Variants in TEK observed in about 807,000 individuals in gnomAD.
TEK encodes the protein TEK receptor tyrosine kinase, also known as angiopoietin-1 receptor.
A neutral mutation model predicts 131.8 loss-of-function variants in TEK; 43 were observed. The observed-to-expected ratio is 0.33, with a 90% CI of 0.26 to 0.42. The LOEUF (loss-of-function observed/expected upper bound fraction) is 0.42. Ranked by LOEUF, TEK falls within the 10% of genes least tolerant of loss-of-function variation. TEK has a pLI of 1.00. For synonymous variants in TEK, 580 were observed against 491.6 expected (o/e 1.18, Z -2.38); for missense variants, 1,162 against 1,384.4 (o/e 0.84, Z 2.55).
At position 27,124,837 on chromosome 9, in the gene TEK, C is replaced by T. The variant is rs532885843; in HGVS notation, c.52+15195C>T. On this transcript the variant is annotated intron_variant, in intron 1 of 22. Coordinates refer to ENST00000380036, the MANE Select transcript of TEK (RefSeq NM_000459.5). ...TTAGTGACAGTACTAATATTTAATC[C>T]ATCTAACCATCAACACCTGTGCATA... Among the ~76,000 whole-genome samples, 119 of 152,220 alleles carry T rather than the reference C, an allele frequency of 7.8e-4. 1 individual carries two copies. Among genetic ancestry groups the T allele is most frequent in the African/African-American group, 2.8e-3 (117 of 41,532 alleles).
At chr9:27,186,785 G>A (rs1824615314) in intron 9 of TEK, among the ~76,000 whole-genome samples, 2 of 152,110 alleles carry the variant, frequency 1.3e-5, no homozygotes, top group South Asian at 2.1e-4. Flanking sequence ...AGATCTCAGA[G>A]GTAACTTCTA....
chr9:27,169,969 G>C (rs555168979), intron 4 of TEK, among the ~76,000 whole-genome samples: 40 of 152,206 alleles, frequency 2.6e-4, no homozygotes, highest in African/African-American at 8.9e-4. Context: ...CCTGAGACTG[G>C]GTAATTTATT....
intron 21 of TEK, among the ~76,000 whole-genome samples, chr9:27,221,033 A>G (rs1826051279): frequency 6.6e-6 from 1 of 152,190 alleles, no homozygotes; most frequent in South Asian, 2.1e-4. Context: ...TTCTCGCTGC[A>G]AGCACAGCAG....
At chr9:27,173,113 T>C (rs1453308770) in intron 5 of TEK, 109 bp from the exon 6 acceptor site, 2 of 1,442,250 alleles carry the variant, frequency 1.4e-6, no homozygotes, top group Admixed American at 3.7e-5. Context: ...ACAGCTGAGA[T>C]TTGACTGTTT....
chr9:27,161,919 T>A (rs958192820), intron 2 of TEK, among the ~76,000 whole-genome samples: 1 of 152,264 alleles, frequency 6.6e-6, no homozygotes, highest in Non-Finnish European at 1.5e-5. Context: ...CAACTGATTA[T>A]TGTAATTTCT....
chr9:27,113,782 A>T (rs937776372), intron 1 of TEK, among the ~76,000 whole-genome samples: 1 of 152,132 alleles, frequency 6.6e-6, no homozygotes, highest in African/African-American at 2.4e-5. Flanking sequence ...GTGCTGGCCA[A>T]TTCCAACTGA....
chr9:27,195,318 AC>A, intron 11 of TEK, among the ~76,000 whole-genome samples: 1 of 152,144 alleles, frequency 6.6e-6, no homozygotes, highest in Non-Finnish European at 1.5e-5. Context: ...CTCACCTCGA[AC>A]CAAGAGTAAG....
intron 1 of TEK, among the ~76,000 whole-genome samples, chr9:27,136,335 C>G (rs1394958097): frequency 6.6e-6 from 1 of 152,174 alleles, no homozygotes; most frequent in African/African-American, 2.4e-5. Flanking sequence ...CCACCTCGGT[C>G]TCCCAAAGTG....
At chr9:27,173,737 G>GTTTTTTTTTTTTTT (rs35971876) in intron 6 of TEK, among the ~76,000 whole-genome samples, 2 of 93,984 alleles carry the variant, frequency 2.1e-5, no homozygotes, top group Non-Finnish European at 2.1e-5. Flanking sequence ...TTTTTTTTTG[G>GTTTTTTTTTTTTTT]TTTTTTTTTT....
chr9:27,214,251 C>T (rs1422351619), intron 18 of TEK, among the ~76,000 whole-genome samples: 6 of 152,240 alleles, frequency 3.9e-5, no homozygotes, highest in African/African-American at 1.2e-4. Flanking sequence ...TACCGCATCC[C>T]TGCATGTTAC....
chr9:27,127,616 A>G (rs1385440817), intron 1 of TEK, among the ~76,000 whole-genome samples: 3 of 152,120 alleles, frequency 2.0e-5, no homozygotes, highest in Non-Finnish European at 2.9e-5. Flanking sequence ...AAACGTTCCT[A>G]TTTCTCCATA....
At chr9:27,196,378 G>A (rs1361627492) in intron 11 of TEK, among the ~76,000 whole-genome samples, 30 of 152,076 alleles carry the variant, frequency 2.0e-4, no homozygotes, top group Admixed American at 2.0e-3. Flanking sequence ...AATCATTTTG[G>A]TAGGGAAAAA....
chr9:27,193,981 T>A (rs919445918), intron 11 of TEK, among the ~76,000 whole-genome samples: 4 of 152,006 alleles, frequency 2.6e-5, no homozygotes, highest in Non-Finnish European at 4.4e-5. Context: ...CTTCAAAAAA[T>A]TTTTTTTGTA....
At chr9:27,111,355 C>T (rs527909023) in intron 1 of TEK, among the ~76,000 whole-genome samples, 1 of 152,228 alleles carries the variant, frequency 6.6e-6, no homozygotes, top group African/African-American at 2.4e-5. Flanking sequence ...CATGACTGCT[C>T]AAGGCTTGAT....
chr9:27,157,413 A>G (rs1047186215), intron 1 of TEK, among the ~76,000 whole-genome samples: 4 of 152,202 alleles, frequency 2.6e-5, no homozygotes, highest in Non-Finnish European at 5.9e-5. Context: ...TATGTAGTTG[A>G]TATATTTCTT....
intron 1 of TEK, among the ~76,000 whole-genome samples, chr9:27,129,098 C>A (rs1232960002): frequency 1.3e-5 from 2 of 152,128 alleles, no homozygotes; most frequent in African/African-American, 4.8e-5. Flanking sequence ...TTCATTATGA[C>A]ATTGGCTGTG....
chr9:27,174,161 A>G (rs959657371), intron 6 of TEK, among the ~76,000 whole-genome samples: 1 of 152,174 alleles, frequency 6.6e-6, no homozygotes, highest in Admixed American at 6.5e-5. Flanking sequence ...ACTGTTGCAT[A>G]GTAGCTCAAC....
In TEK at chr9:27,109,519, G is replaced by T; in HGVS notation, c.-72G>T. 1 of 1,522,730 alleles carries T rather than the reference G, an allele frequency of 6.6e-7. No individual in the cohort carries two copies. Among genetic ancestry groups the T allele is most frequent in the Non-Finnish European group, 9.1e-7 (1 of 1,096,708 alleles). The allele number at this position is 1,522,730 out of a possible 1,614,324, so 94.3% of individuals were successfully genotyped here. On this transcript the variant is annotated 5_prime_UTR_variant, in exon 1 of 23. Coordinates refer to ENST00000380036, the MANE Select transcript of TEK (RefSeq NM_000459.5). ...CGATGCTAATGGAAAGTCACAAACC[G>T]CTGGGTTTTTGAAAGGATCCTTGGG...
chr9:27,228,098 G>C (rs1229243085), intron 21 of TEK, 108 bp from the exon 22 acceptor site: 1 of 870,208 alleles, frequency 1.1e-6, no homozygotes, highest in Non-Finnish European at 1.8e-6. Flanking sequence ...CTTTGGTTAA[G>C]CTTCATAACC....
Sources: allele counts gnomAD v4.1 joint callset (sites outside exome capture counted in the v4.1 genomes callset), GRCh38; gene constraint gnomAD v4.1.1; transcripts MANE v1.5; gene names NCBI Gene and HGNC (gene_info 2026-07-23, HGNC 2026-07-21).